BCL2L14: variants seen among roughly 807,000 people sequenced by gnomAD.
BCL2L14 encodes the protein apoptosis facilitator Bcl-2-like protein 14.
In BCL2L14, 27 loss-of-function variants were observed where a neutral mutation model predicts 35.3. The observed-to-expected ratio is 0.76, with a 90% CI of 0.56 to 1.05. The LOEUF is 1.05. Ranked by LOEUF, BCL2L14 falls within the 50% of genes least tolerant of loss-of-function variation. BCL2L14 has a pLI of 0.00. For synonymous variants in BCL2L14, 139 were observed against 145.9 expected (o/e 0.95, Z 0.34); for missense variants, 377 against 382.6 (o/e 0.99, Z 0.12).
intron 2 of BCL2L14, among the ~76,000 whole-genome samples, chr12:12,059,376 G>A (rs1046656000): frequency 2.0e-5 from 3 of 151,850 alleles, no homozygotes; most frequent in African/African-American, 7.3e-5. Flanking sequence ...TTCTGGAGGA[G>A]AGGCAAGTAC....
chr12:12,065,017 T>C (rs567174670), intron 2 of BCL2L14, among the ~76,000 whole-genome samples: 35 of 152,244 alleles, frequency 2.3e-4, no homozygotes, highest in Non-Finnish European at 4.1e-4. Context: ...CCTACAGGTA[T>C]AGGGGAGAAG....
chr12:12,087,730 A>G (rs1949078624), intron 3 of BCL2L14, among the ~76,000 whole-genome samples: 1 of 152,242 alleles, frequency 6.6e-6, no homozygotes, highest in Non-Finnish European at 1.5e-5. Flanking sequence ...GCCAATTTGC[A>G]TCAGGTACAG....
At chr12:12,076,990 C>T (rs1401234331) in intron 1 of BCL2L14, among the ~76,000 whole-genome samples, 1 of 152,190 alleles carries the variant, frequency 6.6e-6, no homozygotes, top group Non-Finnish European at 1.5e-5. Flanking sequence ...CCAGCCGTGG[C>T]TATCCATCCT....
intron 2 of BCL2L14, among the ~76,000 whole-genome samples, chr12:12,085,553 C>T (rs980510814): frequency 1.2e-4 from 18 of 152,172 alleles, no homozygotes; most frequent in East Asian, 3.8e-4. Context: ...TTCTTCTCTC[C>T]GTCATTCGCT....
At chr12:12,052,535 T>C (rs547555416) in intron 2 of BCL2L14, among the ~76,000 whole-genome samples, 27 of 152,366 alleles carry the variant, frequency 1.8e-4, no homozygotes, top group Admixed American at 7.2e-4. Context: ...ATCCATGTTG[T>C]CCCAAATCAC....
At chr12:12,054,271 G>A (rs1948398630) in intron 2 of BCL2L14, among the ~76,000 whole-genome samples, 2 of 152,174 alleles carry the variant, frequency 1.3e-5, no homozygotes, top group African/African-American at 4.8e-5. Context: ...GGAAGGCCAA[G>A]GCAGGTGGAT....
intron 2 of BCL2L14, among the ~76,000 whole-genome samples, chr12:12,085,866 G>C (rs1027433774): frequency 6.6e-6 from 1 of 152,168 alleles, no homozygotes; most frequent in Non-Finnish European, 1.5e-5. Flanking sequence ...AAGTGCCCTA[G>C]GAGTTTGAGC....
At chr12:12,066,583 A>G (rs917739337), upstream of BCL2L14, among the ~76,000 whole-genome samples, 4 of 152,222 alleles carry the variant, frequency 2.6e-5, no homozygotes, top group Non-Finnish European at 5.9e-5. Flanking sequence ...AAATATTCAT[A>G]CCCAATAATT....
chr12:12,061,974 AC>A (rs1285247643), intron 2 of BCL2L14, among the ~76,000 whole-genome samples: 1 of 152,188 alleles, frequency 6.6e-6, no homozygotes, highest in Admixed American at 6.5e-5. Context: ...GCACCCTGTA[AC>A]CTTTCTATGC....
chr12:12,053,423 CT>C (rs5796482), intron 2 of BCL2L14, among the ~76,000 whole-genome samples: 89,006 of 148,726 alleles, frequency 0.6, 26,787 homozygotes, highest in African/African-American at 0.67. Flanking sequence ...TCTTCTTCTT[CT>C]TTTTTTTTTT....
At chr12:12,064,349 C>T (rs549959797) in intron 2 of BCL2L14, among the ~76,000 whole-genome samples, 13 of 151,800 alleles carry the variant, frequency 8.6e-5, no homozygotes, top group Admixed American at 7.2e-4. Flanking sequence ...CTATGTTACC[C>T]AGGCTAGTCT....
upstream of BCL2L14, among the ~76,000 whole-genome samples, chr12:12,069,089 T>C (rs572438861): frequency 6.6e-6 from 1 of 152,326 alleles, no homozygotes; most frequent in South Asian, 2.1e-4. Flanking sequence ...CATTGGCATA[T>C]AATGAGCTGT....
intron 2 of BCL2L14, among the ~76,000 whole-genome samples, chr12:12,081,987 G>C (rs1339177029): frequency 1.3e-5 from 2 of 152,194 alleles, no homozygotes; most frequent in African/African-American, 2.4e-5. Flanking sequence ...CTTGCTTGGA[G>C]AATCAGCCCA....
At position 12,099,077 on chromosome 12, in the gene BCL2L14, C is replaced by A; in HGVS notation, c.*89C>A. 1 of 933,260 alleles carries A rather than the reference C, an allele frequency of 1.1e-6. No homozygotes were observed. The highest frequency in any genetic ancestry group is 1.8e-6 in the Non-Finnish European group (1 of 569,622). 57.8% of individuals were successfully genotyped at this position (933,260 alleles called of 1,614,324 possible). On this transcript the variant is annotated 3_prime_UTR_variant, in exon 6 of 6. Transcript: ENST00000308721. ...ATGGACTACAGGAGATTACAACGTA[C>A]AAGGCAGATGGAGCATTGACGTTTT...
At chr12:12,066,571 A>G (rs990702667), upstream of BCL2L14, among the ~76,000 whole-genome samples, 4 of 152,204 alleles carry the variant, frequency 2.6e-5, no homozygotes, top group African/African-American at 9.7e-5. Context: ...TAACAATTTC[A>G]AAAATATTCA....
chr12:12,061,632 C>T (rs56110900), intron 2 of BCL2L14, among the ~76,000 whole-genome samples: 95,294 of 151,480 alleles, frequency 0.63, 30,268 homozygotes, highest in East Asian at 0.87. Context: ...TGTTCTGGAT[C>T]TCAAACATGC....
chr12:12,054,736 G>A (rs1240166607), intron 2 of BCL2L14: 1 of 152,030 alleles, frequency 6.6e-6, no homozygotes, highest in South Asian at 2.1e-4. Flanking sequence ...AGATCATGAG[G>A]TCAGGAGATC....
intron 2 of BCL2L14, among the ~76,000 whole-genome samples, chr12:12,061,898 A>G (rs946341838): frequency 5.3e-5 from 8 of 152,276 alleles, no homozygotes; most frequent in Middle Eastern, 3.4e-3. Context: ...CCCTTATAAA[A>G]CAACAACTCC....
intron 2 of BCL2L14, among the ~76,000 whole-genome samples, chr12:12,061,403 AT>A (rs1308107742): frequency 6.6e-6 from 1 of 152,008 alleles, no homozygotes; most frequent in Non-Finnish European, 1.5e-5. Flanking sequence ...CTTTAAAAGG[AT>A]TAAAGCCTGT....
Sources: allele counts gnomAD v4.1 joint callset (sites outside exome capture counted in the v4.1 genomes callset), GRCh38; gene constraint gnomAD v4.1.1; transcripts MANE v1.5; gene names NCBI Gene and HGNC (gene_info 2026-07-23, HGNC 2026-07-21).